The following SLC2A12 variants were observed in gnomAD, a reference collection of about 807,000 sequenced individuals.
SLC2A12 encodes solute carrier family 2, facilitated glucose transporter member 12.
A neutral mutation model predicts 41.8 loss-of-function variants in SLC2A12; 23 were observed. The ratio of observed to expected loss-of-function variants is 0.55; its 90% CI spans 0.40 to 0.78. The LOEUF is 0.78. SLC2A12 is among the 30% of genes least tolerant of loss of function. The pLI is 0.00. For missense variants in SLC2A12, 654 were observed against 745.6 expected, an observed-to-expected ratio of 0.88 and a Z score of 1.43; for synonymous variants, 295 against 285.9, an observed-to-expected ratio of 1.03 and a Z score of -0.32.
At chr6:134,021,027 C>T (rs910483905) in intron 2 of SLC2A12, among the ~76,000 whole-genome samples, 10 of 152,120 alleles carry the variant, frequency 6.6e-5, no homozygotes, top group Admixed American at 6.5e-5. Context: ...TAAATATCTC[C>T]CGCTAATTGT....
chr6:134,023,026 T>C (rs1201627849), intron 2 of SLC2A12, among the ~76,000 whole-genome samples: 1 of 152,158 alleles, frequency 6.6e-6, no homozygotes, highest in Non-Finnish European at 1.5e-5. Flanking sequence ...TTGGTTACAG[T>C]CTATGTGGAA....
intron 4 of SLC2A12, among the ~76,000 whole-genome samples, chr6:133,993,398 G>T (rs549111288): frequency 7.6e-4 from 116 of 152,286 alleles, no homozygotes; most frequent in Non-Finnish European, 1.2e-3. Context: ...CCTCTCTCAG[G>T]CTTCTGCATC....
intron 1 of SLC2A12, among the ~76,000 whole-genome samples, chr6:134,031,110 G>T (rs1475348026): frequency 1.3e-5 from 2 of 152,128 alleles, no homozygotes; most frequent in Non-Finnish European, 2.9e-5. Context: ...ACTTGTTCAG[G>T]GCTGGATGTG....
chr6:134,015,251 C>T (rs1287749954), intron 2 of SLC2A12, among the ~76,000 whole-genome samples: 2 of 152,166 alleles, frequency 1.3e-5, no homozygotes, highest in Admixed American at 6.5e-5. Flanking sequence ...CCTGTTAACA[C>T]TTTTACACTG....
chr6:133,989,647 G>C lies in SLC2A12; in HGVS notation c.*1508C>G, dbSNP rs1381848845. 6.6e-6 allele frequency: 1 copy of C among 152,164 alleles called. No individual in the cohort carries two copies. The highest frequency in any genetic ancestry group is 2.4e-5 in the African/African-American group (1 of 41,436). 9.4% of individuals were successfully genotyped at this position (152,164 alleles called of 1,614,324 possible). ...GCTTCCCCCTGCCAATTTTTATACAGATAATACACTGCAGATCCAGGCCTT... is the reference window on the plus strand; with the variant it reads ...GCTTCCCCCTGCCAATTTTTATACACATAATACACTGCAGATCCAGGCCTT... On this transcript the variant is annotated 3_prime_UTR_variant, in exon 5 of 5. Transcript: ENST00000275230.
intron 3 of SLC2A12, among the ~76,000 whole-genome samples, chr6:134,005,817 G>A (rs989492044): frequency 1.3e-5 from 2 of 151,648 alleles, no homozygotes; most frequent in Admixed American, 6.6e-5. Context: ...TTGTGGATTG[G>A]TTTCTCTTTC....
At chr6:134,052,351 C>A (rs766946757) in intron 1 of SLC2A12, 27 bp downstream of exon 1, 5 of 1,593,248 alleles carry the variant, frequency 3.1e-6, no homozygotes, top group African/African-American at 1.3e-5. Flanking sequence ...TCTCTGCGGT[C>A]ACCCGAGCAC....
intron 1 of SLC2A12, 106 bp downstream of exon 1, chr6:134,052,272 C>G (rs1773698810): frequency 2.4e-5 from 20 of 844,464 alleles, no homozygotes; most frequent in Non-Finnish European, 3.7e-5. Flanking sequence ...CACACACACA[C>G]ACACACACAC....
At chr6:134,041,588 G>T (rs1777382005) in intron 1 of SLC2A12, among the ~76,000 whole-genome samples, 1 of 119,638 alleles carries the variant, frequency 8.4e-6, no homozygotes, top group East Asian at 2.0e-4. Flanking sequence ...GACCCTCAGA[G>T]AAAGCAGCTC....
At chr6:134,017,701 A>C (rs924333504) in intron 2 of SLC2A12, among the ~76,000 whole-genome samples, 4 of 151,958 alleles carry the variant, frequency 2.6e-5, no homozygotes, top group Admixed American at 6.6e-5. Context: ...AAATACAAAA[A>C]AAATTAGCCA....
At position 134,029,027 on chromosome 6, in the gene SLC2A12, C is replaced by T; in HGVS notation, c.798G>A (p.Trp266Ter). The change falls in exon 2 of 5, where the codon TGG becomes TGA. Residue 266 changes from tryptophan to a stop codon, truncating the protein, a stop_gained. Transcript: ENST00000275230. LOFTEE classifies it high-confidence loss of function. ...TGTTGTCTTTTGAACGAAACAGATC[C>T]CAAAAACTGTACTGATATTCATCTT... Reference protein sequence around the residue: ...SLKDEYQYSFWDLFRSKDNMR... With the variant: ...SLKDEYQYSF 6.2e-7 allele frequency: 1 copy of T among 1,614,180 alleles called. No individual in the cohort carries two copies. Among genetic ancestry groups the T allele is most frequent in the Non-Finnish European group, 8.5e-7 (1 of 1,180,028 alleles).
At chr6:133,999,039 A>G (rs1026608793) in intron 4 of SLC2A12, among the ~76,000 whole-genome samples, 3 of 152,244 alleles carry the variant, frequency 2.0e-5, no homozygotes, top group African/African-American at 7.2e-5. Context: ...TAATGGACAG[A>G]GCATTCCTGG....
intron 2 of SLC2A12, among the ~76,000 whole-genome samples, chr6:134,012,983 T>C (rs1345048000): frequency 6.6e-6 from 1 of 152,048 alleles, no homozygotes; most frequent in Non-Finnish European, 1.5e-5. Context: ...TCTTAGAAAG[T>C]AAATAAATAA....
At position 134,006,852 on chromosome 6, in the gene SLC2A12, G is replaced by A. The variant is rs902324196; in HGVS notation, c.1527C>T (p.Gly509=). The A allele has an allele frequency of 8.1e-6, 13 of 1,614,008 alleles. No individual in the cohort carries two copies. The South Asian group carries it at 8.8e-5, about 11-fold the overall frequency. The change falls in exon 3 of 5, where the codon GGC becomes GGT. Residue 509 remains glycine (G), a synonymous_variant. Transcript: ENST00000275230. The part of the protein sequence containing the change: ...AMALTSSMNW[G]INLLISLTFL... ...ATGTCAGCGAGATGAGGAGATTGAT[G>A]CCCCAGTTCATGCTAGAAGTTAAAG... is the stretch of plus-strand genomic sequence containing the variant.
intron 2 of SLC2A12, among the ~76,000 whole-genome samples, chr6:134,021,347 A>G (rs1260176018): frequency 6.6e-6 from 1 of 152,218 alleles, no homozygotes; most frequent in Non-Finnish European, 1.5e-5. Flanking sequence ...TGATTTTTAA[A>G]CAGACTCATG....
At chr6:134,037,013 C>T (rs937373729) in intron 1 of SLC2A12, among the ~76,000 whole-genome samples, 2 of 152,034 alleles carry the variant, frequency 1.3e-5, no homozygotes, top group Non-Finnish European at 2.9e-5. Context: ...CACCAACTCT[C>T]CAGCCCATCT....
chr6:134,003,827 C>A (rs1238377805), intron 3 of SLC2A12, among the ~76,000 whole-genome samples: 1 of 152,200 alleles, frequency 6.6e-6, no homozygotes, highest in African/African-American at 2.4e-5. Context: ...CTGCAGAGTA[C>A]ATTTGTCTAT....
At chr6:134,008,720 AT>A (rs1776843855) in intron 2 of SLC2A12, among the ~76,000 whole-genome samples, 1 of 152,230 alleles carries the variant, frequency 6.6e-6, no homozygotes, top group Non-Finnish European at 1.5e-5. Context: ...CCTCGGACAA[AT>A]GCAAGATAAA....
chr6:134,002,784 G>C (rs372642335), intron 3 of SLC2A12, among the ~76,000 whole-genome samples: 3 of 152,256 alleles, frequency 2.0e-5, no homozygotes, highest in South Asian at 4.1e-4. Context: ...TCCAGTAAAA[G>C]CCATCAACTT....
Sources: allele counts gnomAD v4.1 joint callset (sites outside exome capture counted in the v4.1 genomes callset), GRCh38; gene constraint gnomAD v4.1.1; transcripts MANE v1.5; gene names NCBI Gene and HGNC (gene_info 2026-07-23, HGNC 2026-07-21).